Variants in ECH1 observed in about 807,000 individuals in gnomAD.
ECH1 encodes the protein delta(3,5)-Delta(2,4)-dienoyl-CoA isomerase, mitochondrial.
Under a neutral mutation model 37.0 loss-of-function variants are expected in ECH1, and 30 were observed. The ratio of observed to expected loss-of-function variants is 0.81; its 90% CI spans 0.61 to 1.10. The LOEUF is 1.10. Ranked by LOEUF, ECH1 falls within the 50% of genes least tolerant of loss-of-function variation. ECH1 has a pLI of 0.00. For synonymous variants in ECH1, 178 were observed against 176.0 expected, an observed-to-expected ratio of 1.01 and a Z score of -0.09; for missense variants, 456 against 441.6, an observed-to-expected ratio of 1.03 and a Z score of -0.29.
At chr19:38,831,220 T>A (rs181750829) in intron 2 of ECH1, 54 bp from the exon 3 acceptor site, 1 of 1,611,624 alleles carries the variant, frequency 6.2e-7, no homozygotes, top group South Asian at 1.1e-5. Context: ...CCTGCCCTCA[T>A]GTCCATCTTC....
intron 3 of ECH1, among the ~76,000 whole-genome samples, chr19:38,826,993 A>T (rs1971748350): frequency 6.6e-6 from 1 of 151,248 alleles, no homozygotes; most frequent in Admixed American, 6.6e-5. Context: ...AATCTTAGCC[A>T]GAGGGACCAG....
At chr19:38,829,764 C>T (rs1288574608) in intron 3 of ECH1, among the ~76,000 whole-genome samples, 11 of 149,712 alleles carry the variant, frequency 7.3e-5, no homozygotes, top group Non-Finnish European at 1.0e-4. Flanking sequence ...TGCAGCGAGC[C>T]GAGATCGCAC....
chr19:38,827,120 GAGGGGAGGGAGAA>G, intron 3 of ECH1, among the ~76,000 whole-genome samples: 1 of 134,644 alleles, frequency 7.4e-6, no homozygotes, highest in African/African-American at 2.7e-5. Flanking sequence ...GAGAGGGAGG[GAGGGGAGGGAGAA>G]AGGGGAGGGA....
At chr19:38,815,766 C>T (rs781007249) in intron 9 of ECH1, 49 bp from the exon 10 acceptor site, 1 of 1,613,680 alleles carries the variant, frequency 6.2e-7, no homozygotes, top group South Asian at 1.1e-5. Context: ...TTAGCAGGGG[C>T]CAATCAGGAT....
intron 3 of ECH1, among the ~76,000 whole-genome samples, chr19:38,822,411 G>A (rs966257211): frequency 4.6e-5 from 7 of 151,370 alleles, no homozygotes; most frequent in African/African-American, 1.7e-4. Context: ...CTAGCTCAAG[G>A]TTTGTAAATG....
At chr19:38,819,763 T>C (rs1350521487) in intron 3 of ECH1, among the ~76,000 whole-genome samples, 2 of 151,852 alleles carry the variant, frequency 1.3e-5, no homozygotes, top group Admixed American at 6.6e-5. Flanking sequence ...CTGGGCAACA[T>C]TGCAAGACCT....
At position 38,817,501 on chromosome 19, in the gene ECH1, G is replaced by C; in HGVS notation, c.424C>G (p.Leu142Val). The change falls in exon 4 of 10, where the codon CTC (leucine) becomes GTC (valine). Residue 142 changes from leucine to valine, a missense_variant. Transcript: ENST00000221418. ...GDDVARISWYLRDIITRYQET... is the reference protein window; with the variant it reads ...GDDVARISWYVRDIITRYQET... ...TGGTATCGAGTGATGATGTCACGGA[G>C]GTACCAGCTGATCCGGGCCACATCA... The C allele has an allele frequency of 6.2e-7, 1 of 1,613,974 alleles. No homozygotes were observed. The highest frequency in any genetic ancestry group is 1.7e-4 in the Middle Eastern group (1 of 6,058).
intron 3 of ECH1, among the ~76,000 whole-genome samples, chr19:38,821,108 C>T (rs1971655310): frequency 2.0e-5 from 3 of 152,092 alleles, no homozygotes; most frequent in African/African-American, 7.2e-5. Flanking sequence ...GCAAGCCCTG[C>T]CTCTACAAAA....
chr19:38,815,530 A>G lies in ECH1; in HGVS notation c.*83T>C. On this transcript the variant is annotated 3_prime_UTR_variant, in exon 10 of 10. Transcript: ENST00000221418. The stretch of plus-strand genomic sequence containing the variant: ...AAACTGGGTCAGAAGGCATAGAAAC[A>G]ACTGTCATCGCCCATCCTCCCTTTC... 7.4e-7 allele frequency: 1 copy of G among 1,355,632 alleles called. No individual in the cohort carries two copies. Among genetic ancestry groups the G allele is most frequent in the South Asian group, 1.2e-5 (1 of 83,810 alleles). The allele number at this position is 1,355,632 out of a possible 1,614,324, so 84.0% of individuals were successfully genotyped here. A position where few individuals can be genotyped will look rare whatever the true frequency, so the allele number is the denominator to read the frequency against.
intron 3 of ECH1, among the ~76,000 whole-genome samples, chr19:38,822,122 G>GT (rs1271454578): frequency 6.6e-6 from 1 of 151,848 alleles, no homozygotes; most frequent in East Asian, 1.9e-4. Context: ...AGCACCCTGT[G>GT]TCTAGCTCAA....
chr19:38,815,606 A>G lies in ECH1; in HGVS notation c.*7T>C. ...CCCCCTGGCTGGGGCCTGGGACGCG[A>G]GGGCTCTCAGAGCTTGGAGAAGGTG... On this transcript the variant is annotated 3_prime_UTR_variant, in exon 10 of 10. Transcript: ENST00000221418. 1.2e-6 allele frequency: 2 copies of G among 1,614,086 alleles called. No individual in the cohort carries two copies. Among genetic ancestry groups the G allele is most frequent in the African/African-American group, 2.7e-5 (2 of 75,058 alleles).
Position 38,817,381 on chromosome 19 carries a change from A to AGAGT in ECH1, c.475-21_475-18dup. 1.2e-6 allele frequency: 2 copies of AGAGT among 1,602,624 alleles called. No individual in the cohort carries two copies. Among genetic ancestry groups the AGAGT allele is most frequent in the East Asian group, 4.5e-5 (2 of 44,508 alleles). On this transcript the variant is annotated splice_polypyrimidine_tract_variant and intron_variant, in intron 4 of 9. Coordinates refer to ENST00000221418, the MANE Select transcript of ECH1 (RefSeq NM_001398.3). Reference sequence around the variant, plus strand: ...CTTGGGGCACTGAGAGGGAACAGGAAGAGTGGGGTCAGGGCTGGCCCAGGG... The same window carrying AGAGT: ...CTTGGGGCACTGAGAGGGAACAGGAAGAGTGAGTGGGGTCAGGGCTGGCCCAGGG...
At chr19:38,816,118 AC>A in intron 8 of ECH1, 111 bp from the exon 9 acceptor site, 1 of 1,520,020 alleles carries the variant, frequency 6.6e-7, no homozygotes. Context: ...CCCCAGAGAA[AC>A]AGCCCAATCA....
chr19:38,825,102 TTAATGA>T (rs1407046105), intron 3 of ECH1, among the ~76,000 whole-genome samples: 1 of 152,182 alleles, frequency 6.6e-6, no homozygotes, highest in Non-Finnish European at 1.5e-5. Context: ...ACCCTGGCCT[TTAATGA>T]AAAGAATGCA....
rs115532911 is a variant in ECH1, at chr19:38,816,300, C to T, written c.715G>A (p.Gly239Ser). Residue 239 changes from glycine to serine, a missense_variant, in exon 8 of 10, where the codon GGC becomes AGC. Transcript: ENST00000221418. ...TGGCCCTACCTGACCAGCCCACTGC[C>T]CAGGGCCTCGTCAGCCATCATCTTG... ...ARKMMADEALGSGLVSRVFPD... is the reference protein window; with the variant it reads ...ARKMMADEALSSGLVSRVFPD... 7.6e-4 allele frequency: 1,225 copies of T among 1,613,498 alleles called. 7 individuals carry two copies. In the African/African-American group the frequency reaches 0.012, roughly 16 times the overall value.
chr19:38,819,482 G>A (rs900887511), intron 3 of ECH1, among the ~76,000 whole-genome samples: 1 of 151,884 alleles, frequency 6.6e-6, no homozygotes, highest in East Asian at 1.9e-4. Flanking sequence ...TTGAGGGTCT[G>A]ACTCCCTTTC....
In ECH1 at chr19:38,817,184, C is replaced by T. The variant is rs932284384; in HGVS notation, c.524-55G>A. 20 of 1,551,964 alleles carry T rather than the reference C, an allele frequency of 1.3e-5. No homozygotes were observed. The East Asian group carries it at 1.7e-4, about 13-fold the overall frequency. On this transcript the variant is annotated intron_variant, in intron 5 of 9. Coordinates refer to ENST00000221418, the MANE Select transcript of ECH1 (RefSeq NM_001398.3). ...GACCACCAGAACCAACCCTGGCTCC[C>T]GGGAGGTGGGGCTGCCTCTTGGGAC...
Position 38,830,205 on chromosome 19 carries a change from CAGTT to C in ECH1, c.349+869_349+872del, listed in dbSNP as rs1174029180. On this transcript the variant is annotated intron_variant, in intron 3 of 9. Coordinates refer to ENST00000221418, the MANE Select transcript of ECH1 (RefSeq NM_001398.3). Reference sequence around the variant, plus strand: ...TTACAGAAGGATAGAGATGACTAAACAGTTAGTAACTGTGACCAGTGGAAATTCT... The same window carrying C: ...TTACAGAAGGATAGAGATGACTAAACAGTAACTGTGACCAGTGGAAATTCT... 2.8e-4 allele frequency among the ~76,000 whole-genome samples: 43 copies of C among 152,290 alleles called. 1 individual carries two copies. Among genetic ancestry groups the C allele is most frequent in the African/African-American group, 9.1e-4 (38 of 41,562 alleles).
At chr19:38,819,089 G>A (rs1341770906) in intron 3 of ECH1, 3 of 984,768 alleles carry the variant, frequency 3.0e-6, no homozygotes, top group Non-Finnish European at 3.6e-6. Flanking sequence ...CTGGGCGACA[G>A]AGCAAGACCC....
Sources: gnomAD v4.1 joint callset for allele counts (sites outside exome capture counted in the v4.1 genomes callset) on GRCh38, gnomAD v4.1.1 for gene constraint, MANE v1.5 for transcripts, NCBI Gene and HGNC (gene_info 2026-07-23, HGNC 2026-07-21) for gene names.